Variants in PINX1 observed in about 807,000 individuals in gnomAD.
PINX1 encodes the protein PIN2/TERF1-interacting telomerase inhibitor 1.
In PINX1, 34 loss-of-function variants were observed where a neutral mutation model predicts 25.4. The ratio of observed to expected loss-of-function variants is 1.34; its 90% confidence interval spans 1.02 to 1.78. The LOEUF (loss-of-function observed/expected upper bound fraction) is 1.78. Ranked by LOEUF, PINX1 falls within the 40% of genes most tolerant of loss-of-function variation. The pLI is 0.00. For synonymous variants in PINX1, 197 were observed against 147.7 expected, an observed-to-expected ratio of 1.33 and a Z score of -2.42; for missense variants, 592 against 404.9, an observed-to-expected ratio of 1.46 and a Z score of -3.97.
intron 6 of PINX1, among the ~76,000 whole-genome samples, chr8:10,802,401 G>A (rs758420866): frequency 5.9e-5 from 9 of 152,178 alleles, no homozygotes; most frequent in Non-Finnish European, 1.3e-4. Flanking sequence ...CGTGTATGAA[G>A]ACAACCTGCA....
At chr8:10,814,664 C>G (rs1462698077) in intron 6 of PINX1, among the ~76,000 whole-genome samples, 2 of 152,204 alleles carry the variant, frequency 1.3e-5, no homozygotes. Flanking sequence ...AGAAGAAATA[C>G]TTATTTATTA....
intron 5 of PINX1, 100 bp downstream of exon 5, chr8:10,826,052 T>C: frequency 1.5e-6 from 1 of 646,256 alleles, no homozygotes; most frequent in Non-Finnish European, 2.7e-6. Context: ...GAGCTGTCCA[T>C]AAAGCATGAA....
chr8:10,785,262 A>T (rs1801711676), intron 6 of PINX1, among the ~76,000 whole-genome samples: 1 of 152,220 alleles, frequency 6.6e-6, no homozygotes, highest in Admixed American at 6.5e-5. Flanking sequence ...ACTAACTTCA[A>T]GCTAAGTTTA....
chr8:10,819,591 C>A (rs1261659362), intron 6 of PINX1, among the ~76,000 whole-genome samples: 1 of 152,192 alleles, frequency 6.6e-6, no homozygotes, highest in Non-Finnish European at 1.5e-5. Context: ...TATTATACAG[C>A]CCAATTTAAT....
At chr8:10,836,686 T>TG (rs33957898) in intron 1 of PINX1, among the ~76,000 whole-genome samples, 24,239 of 103,132 alleles carry the variant, frequency 0.24, 1,958 homozygotes, top group Middle Eastern at 0.29. Flanking sequence ...ACAAGGATGT[T>TG]GGGGGGGCGG....
chr8:10,792,232 T>TCTGC (rs777275450), intron 6 of PINX1, among the ~76,000 whole-genome samples: 22 of 152,036 alleles, frequency 1.4e-4, no homozygotes, highest in Admixed American at 4.6e-4. Flanking sequence ...CAGGTTCCTC[T>TCTGC]CTGCCCTCTT....
intron 6 of PINX1, among the ~76,000 whole-genome samples, chr8:10,816,574 T>C (rs760980908): frequency 6.6e-6 from 1 of 152,206 alleles, no homozygotes; most frequent in Non-Finnish European, 1.5e-5. Flanking sequence ...CCCTAACAGC[T>C]CACCTCTGAC....
At chr8:10,821,364 G>A (rs944984099) in intron 5 of PINX1, among the ~76,000 whole-genome samples, 1 of 152,218 alleles carries the variant, frequency 6.6e-6, no homozygotes, top group Non-Finnish European at 1.5e-5. Flanking sequence ...AAAACCAGGT[G>A]CCAAAACCAG....
intron 6 of PINX1, among the ~76,000 whole-genome samples, chr8:10,799,137 G>C (rs934616280): frequency 6.8e-6 from 1 of 147,130 alleles, no homozygotes; most frequent in Non-Finnish European, 1.5e-5. Flanking sequence ...TTTCTAGTTT[G>C]TCAATTTTTT....
intron 6 of PINX1, among the ~76,000 whole-genome samples, chr8:10,773,522 C>T (rs1261111299): frequency 6.6e-6 from 1 of 152,174 alleles, no homozygotes; most frequent in East Asian, 1.9e-4. Context: ...TCAGACACAC[C>T]GGACATTGGA....
At chr8:10,838,683 G>A (rs1659604757) in intron 1 of PINX1, among the ~76,000 whole-genome samples, 1 of 152,084 alleles carries the variant, frequency 6.6e-6, no homozygotes, top group African/African-American at 2.4e-5. Flanking sequence ...TTTTACTGGT[G>A]AAAAAATAGA....
rs558874981 is a variant in PINX1, at chr8:10,780,350, G to A, written c.472-14434C>T. ...CCATCAGTTATGACACTAACTATGGGTTTTTCATAAGTGGCCTTTATTTTG... is the reference window on the plus strand; with the variant it reads ...CCATCAGTTATGACACTAACTATGGATTTTTCATAAGTGGCCTTTATTTTG... On this transcript the variant is annotated intron_variant, in intron 6 of 6. Transcript: ENST00000314787. Among the ~76,000 whole-genome samples, 50 of 152,264 alleles carry A rather than the reference G, an allele frequency of 3.3e-4. 1 individual carries two copies. The highest frequency in any genetic ancestry group is 1.1e-3 in the African/African-American group (45 of 41,542).
chr8:10,775,772 G>A (rs1012599189), intron 6 of PINX1, among the ~76,000 whole-genome samples: 4 of 152,144 alleles, frequency 2.6e-5, no homozygotes, highest in Admixed American at 6.5e-5. Flanking sequence ...ACAAGTCACC[G>A]GCCTTTCCAG....
chr8:10,807,054 G>A (rs183173083), intron 6 of PINX1, among the ~76,000 whole-genome samples: 114 of 152,204 alleles, frequency 7.5e-4, no homozygotes, highest in African/African-American at 2.5e-3. Flanking sequence ...ACTATGTGGG[G>A]GAAATCCTCC....
At chr8:10,768,247 G>A (rs932817012) in intron 6 of PINX1, among the ~76,000 whole-genome samples, 2 of 152,220 alleles carry the variant, frequency 1.3e-5, no homozygotes, top group Non-Finnish European at 2.9e-5. Flanking sequence ...CAGTCTGTGG[G>A]CCACTCTTTT....
intron 6 of PINX1, among the ~76,000 whole-genome samples, chr8:10,808,414 G>C (rs148975138): frequency 0.011 from 1,740 of 152,280 alleles, 12 homozygotes; most frequent in Non-Finnish European, 0.017. Flanking sequence ...GTTTGGCGGA[G>C]CTTAATTTTT....
intron 6 of PINX1, among the ~76,000 whole-genome samples, chr8:10,797,865 G>A (rs796665839): frequency 8.6e-5 from 13 of 152,042 alleles, no homozygotes; most frequent in African/African-American, 2.7e-4. Context: ...GTCTGATGGA[G>A]AGAAGAAATC....
At chr8:10,829,569 T>A (rs1693770421) in intron 4 of PINX1, among the ~76,000 whole-genome samples, 1 of 152,216 alleles carries the variant, frequency 6.6e-6, no homozygotes, top group Non-Finnish European at 1.5e-5. Context: ...CCGAATGTCA[T>A]ACAAATGAAA....
intron 6 of PINX1, among the ~76,000 whole-genome samples, chr8:10,807,556 C>G (rs1426240356): frequency 6.6e-6 from 1 of 151,998 alleles, no homozygotes; most frequent in Non-Finnish European, 1.5e-5. Context: ...AACTCATTCC[C>G]ATAGGGTTTT....
Sources: gnomAD v4.1 joint callset for allele counts (sites outside exome capture counted in the v4.1 genomes callset) on GRCh38, gnomAD v4.1.1 for gene constraint, MANE v1.5 for transcripts, NCBI Gene and HGNC (gene_info 2026-07-23, HGNC 2026-07-21) for gene names.